The following PPP2R3B variants were observed in gnomAD, a reference collection of about 807,000 sequenced individuals.
The protein encoded by PPP2R3B is protein phosphatase 2 regulatory subunit B''beta.
PPP2R3B carries 68 observed loss-of-function variants against 72.9 expected under a neutral mutation model. That is an observed-to-expected ratio of 0.93 (90% CI 0.77 to 1.14). The LOEUF is 1.14. Among genes scored for constraint, PPP2R3B ranks in the 50% most tolerant of loss-of-function variants. The pLI, the probability that PPP2R3B is intolerant of heterozygous loss-of-function variation, is 0.00. For synonymous variants in PPP2R3B, 466 were observed against 375.8 expected, an observed-to-expected ratio of 1.24 and a Z score of -2.78; for missense variants, 1,018 against 842.0, an observed-to-expected ratio of 1.21 and a Z score of -2.59.
chrX:354,827 G>C (rs962269836), intron 2 of PPP2R3B, among the ~76,000 whole-genome samples: 3 of 152,198 alleles, frequency 2.0e-5, no homozygotes, highest in Admixed American at 6.5e-5. Flanking sequence ...ACTCCAGCCC[G>C]GGGGCAGAAT....
At chrX:372,301 T>C (rs766554355) in intron 1 of PPP2R3B, among the ~76,000 whole-genome samples, 6 of 152,244 alleles carry the variant, frequency 3.9e-5, no homozygotes, top group Admixed American at 3.9e-4. Context: ...TGATGTGAGA[T>C]CTTACAGAAA....
At position 342,107 on chromosome X, in the gene PPP2R3B, T is replaced by G. The variant is rs1353427383; in HGVS notation, c.1037-176A>C. ...GGCCCATCCTAGGGGCCCACCACGCTTTCCCGTCGAGCAGAGCCAAGTCCA... is the reference window on the plus strand; with the variant it reads ...GGCCCATCCTAGGGGCCCACCACGCGTTCCCGTCGAGCAGAGCCAAGTCCA... On this transcript the variant is annotated intron_variant, in intron 7 of 12. Coordinates refer to ENST00000390665, the MANE Select transcript of PPP2R3B (RefSeq NM_013239.5). 14 of 707,020 alleles carry G rather than the reference T, an allele frequency of 2.0e-5. No individual in the cohort carries two copies. In the East Asian group the frequency reaches 3.4e-4, roughly 17 times the overall value. The allele number at this position is 707,020 out of a possible 1,614,324, so 43.8% of individuals were successfully genotyped here.
rs150378084 is a variant in PPP2R3B at position 338,698 on chromosome X, C to T, written c.1483G>A (p.Gly495Ser). The change falls in exon 12 of 13, where the codon GGC (glycine) becomes AGC (serine). Residue 495 changes from glycine to serine, a missense_variant. By Grantham distance (56) the Gly-to-Ser change is moderately conservative. Transcript: ENST00000390665. Reference sequence around the variant, plus strand: ...TCCCAGTCCGAGAGCTCGGGGCCGCCGCTGTCACCGTCCTGGAGGAAGCAC... The same window carrying T: ...TCCCAGTCCGAGAGCTCGGGGCCGCTGCTGTCACCGTCCTGGAGGAAGCAC... ...QISLLRDGDSGGPELSDWEKY... is the reference protein window; with the variant it reads ...QISLLRDGDSSGPELSDWEKY... 9.1e-5 allele frequency: 146 copies of T among 1,611,812 alleles called. No homozygotes were observed. In the East Asian group the frequency reaches 9.1e-4, roughly 10 times the overall value.
chrX:344,657 G>A (rs191914195), intron 7 of PPP2R3B, among the ~76,000 whole-genome samples: 205 of 152,356 alleles, frequency 1.3e-3, no homozygotes, highest in African/African-American at 4.7e-3. Flanking sequence ...ACGGGCCGGC[G>A]CTGTGGAGCT....
chrX:363,355 G>C (rs2071588817), intron 1 of PPP2R3B, among the ~76,000 whole-genome samples: 1 of 139,458 alleles, frequency 7.2e-6, no homozygotes. Context: ...ATCCCGCAGT[G>C]CATCTCTCCG....
intron 2 of PPP2R3B, among the ~76,000 whole-genome samples, chrX:354,262 ACACCAGGGGC>A (rs2071397732): frequency 6.7e-6 from 1 of 148,962 alleles, no homozygotes; most frequent in Non-Finnish European, 1.5e-5. Context: ...GCTCACCCAA[ACACCAGGGGC>A]TCACCCAAAC....
chrX:346,210 GATCCTGCCGGACCAGGACCGGTT>G lies in PPP2R3B; in HGVS notation c.820_842del (p.Asn274HisfsTer63). 1 of 1,569,830 alleles carries G rather than the reference GATCCTGCCGGACCAGGACCGGTT, an allele frequency of 6.4e-7. No individual in the cohort carries two copies. The highest frequency in any genetic ancestry group is 8.6e-7 in the Non-Finnish European group (1 of 1,159,508). ...AGCTCCTCCGCAGCTCGGCGCAGGT[GATCCTGCCGGACCAGGACCGGTT>G]CACGGCGTAGAAGATCCGCTGGATG... is the stretch of plus-strand genomic sequence containing the variant. On this transcript the variant is annotated frameshift_variant, in exon 6 of 13. Coordinates refer to ENST00000390665, the MANE Select transcript of PPP2R3B (RefSeq NM_013239.5). LOFTEE classifies it high-confidence loss of function.
At chrX:381,216 C>A (rs1259722444) in intron 1 of PPP2R3B, among the ~76,000 whole-genome samples, 1 of 152,014 alleles carries the variant, frequency 6.6e-6, no homozygotes, top group African/African-American at 2.4e-5. Context: ...CCACTGCACC[C>A]GGCCAATGCT....
chrX:337,625 C>CT (rs2124552409), intron 12 of PPP2R3B: 1 of 152,442 alleles, frequency 6.6e-6, no homozygotes, highest in African/African-American at 2.4e-5. Context: ...CGGGCTGAGT[C>CT]TAAGATTCAC....
intron 7 of PPP2R3B, among the ~76,000 whole-genome samples, chrX:344,719 C>G (rs2071159534): frequency 2.0e-5 from 3 of 152,210 alleles, no homozygotes; most frequent in Admixed American, 2.0e-4. Flanking sequence ...GCTCCCTGAA[C>G]TGAGCGCAGG....
intron 1 of PPP2R3B, among the ~76,000 whole-genome samples, chrX:363,836 G>C (rs1384210339): frequency 6.6e-6 from 1 of 152,252 alleles, no homozygotes; most frequent in South Asian, 2.1e-4. Context: ...TTGGGGTACG[G>C]AACTGACCCC....
intron 2 of PPP2R3B, among the ~76,000 whole-genome samples, chrX:355,746 C>T (rs1479834647): frequency 6.6e-6 from 1 of 152,202 alleles, no homozygotes; most frequent in Non-Finnish European, 1.5e-5. Context: ...ATTCTGTTTA[C>T]ATAAAATTCC....
rs1480282735 is a variant in PPP2R3B, at chrX:338,653, ACTC to A, written c.1525_1527del (p.Glu509del). The A allele has an allele frequency of 6.2e-7, 1 of 1,610,024 alleles. No homozygotes were observed. The highest frequency in any genetic ancestry group is 1.7e-5 in the Admixed American group (1 of 59,890). ...GTCTCCTCGGCCACCAGGATGTCGT[ACTC>A]CTCGGCCGCGTACTTCTCCCAGTCC... On this transcript the variant is annotated inframe_deletion, in exon 12 of 13. Transcript: ENST00000390665.
At chrX:353,073 T>C (rs753735580) in intron 2 of PPP2R3B, among the ~76,000 whole-genome samples, 9 of 151,810 alleles carry the variant, frequency 5.9e-5, no homozygotes, top group Non-Finnish European at 8.8e-5. Context: ...GATCCGATGG[T>C]CTAAAAGTGG....
intron 1 of PPP2R3B, among the ~76,000 whole-genome samples, chrX:364,265 C>G (rs1042181134): frequency 8.5e-5 from 13 of 152,302 alleles, no homozygotes; most frequent in African/African-American, 2.9e-4. Context: ...CAGCCTTCAC[C>G]TGGAGCTGCT....
At chrX:359,532 A>G (rs774800577) in intron 2 of PPP2R3B, among the ~76,000 whole-genome samples, 1 of 152,346 alleles carries the variant, frequency 6.6e-6, no homozygotes, top group African/African-American at 2.4e-5. Context: ...CGACTGTAAG[A>G]AAGTTTCTAA....
chrX:356,730 C>G (rs916953273), intron 2 of PPP2R3B, among the ~76,000 whole-genome samples: 11 of 152,314 alleles, frequency 7.2e-5, no homozygotes, highest in Admixed American at 5.9e-4. Flanking sequence ...AGCACACACA[C>G]AGCAGAAGCT....
chrX:384,649 C>T (rs1419441602), intron 1 of PPP2R3B, among the ~76,000 whole-genome samples: 2 of 151,900 alleles, frequency 1.3e-5, no homozygotes, highest in East Asian at 3.9e-4. Context: ...ATGAACAGAC[C>T]CCTCTGTTCC....
chrX:346,118 G>C (rs2071204545), intron 6 of PPP2R3B, 56 bp downstream of exon 6: 2 of 1,124,248 alleles, frequency 1.8e-6, no homozygotes, highest in East Asian at 6.2e-5. Context: ...GAAGGGAGTG[G>C]AGGTAGGAGG....
Sources: gnomAD v4.1 joint callset for allele counts (sites outside exome capture counted in the v4.1 genomes callset) on GRCh38, gnomAD v4.1.1 for gene constraint, MANE v1.5 for transcripts, NCBI Gene and HGNC (gene_info 2026-07-23, HGNC 2026-07-21) for gene names.